Variants in COL8A1 observed in about 807,000 individuals in gnomAD.
COL8A1 encodes the protein collagen alpha-1(VIII) chain.
A neutral mutation model predicts 42.7 loss-of-function variants in COL8A1; 21 were observed. The ratio of observed to expected loss-of-function variants is 0.49; its 90% CI spans 0.35 to 0.71. The LOEUF (loss-of-function observed/expected upper bound fraction) is 0.71. Among genes scored for constraint, COL8A1 ranks in the 30% least tolerant of loss-of-function variants. The pLI is 0.01. For synonymous variants in COL8A1, 367 were observed against 369.1 expected (o/e 0.99, Z 0.06); for missense variants, 788 against 962.4 (o/e 0.82, Z 2.40).
At chr3:99,762,405 A>AC (rs1251537563) in intron 2 of COL8A1, among the ~76,000 whole-genome samples, 1 of 152,230 alleles carries the variant, frequency 6.6e-6, no homozygotes, top group East Asian at 1.9e-4. Flanking sequence ...CTGCTAAAAA[A>AC]AATTATGTTC....
At chr3:99,774,410 A>G (rs892594352) in intron 2 of COL8A1, among the ~76,000 whole-genome samples, 2 of 152,074 alleles carry the variant, frequency 1.3e-5, no homozygotes, top group East Asian at 3.9e-4. Flanking sequence ...AAAGCTATTT[A>G]TGTTTGCTAC....
intron 1 of COL8A1, among the ~76,000 whole-genome samples, chr3:99,697,726 C>T (rs1205171840): frequency 6.6e-6 from 1 of 152,208 alleles, no homozygotes; most frequent in Non-Finnish European, 1.5e-5. Flanking sequence ...TCTTGGAAGA[C>T]CAATTTCTTT....
At chr3:99,773,991 C>A (rs1055296401) in intron 2 of COL8A1, among the ~76,000 whole-genome samples, 13 of 149,026 alleles carry the variant, frequency 8.7e-5, no homozygotes, top group Non-Finnish European at 7.4e-5. Flanking sequence ...ATTACAGGCG[C>A]CCACCACCAC....
chr3:99,725,034 G>T (rs1017496270), intron 1 of COL8A1, among the ~76,000 whole-genome samples: 11 of 151,994 alleles, frequency 7.2e-5, no homozygotes, highest in Admixed American at 7.2e-4. Flanking sequence ...TATAGTTAAA[G>T]TATACTTGAC....
At chr3:99,697,009 C>T (rs1201908396) in intron 1 of COL8A1, among the ~76,000 whole-genome samples, 8 of 90,862 alleles carry the variant, frequency 8.8e-5, no homozygotes, top group African/African-American at 2.5e-4. Flanking sequence ...TTTTTTGAGA[C>T]GGAGTCTCGC....
intron 1 of COL8A1, among the ~76,000 whole-genome samples, chr3:99,650,749 A>AT (rs1047485594): frequency 2.6e-5 from 4 of 152,164 alleles, no homozygotes; most frequent in African/African-American, 9.7e-5. Context: ...GAGGTACTGG[A>AT]TTTTTTACAT....
intron 1 of COL8A1, among the ~76,000 whole-genome samples, chr3:99,697,914 C>A (rs1183751094): frequency 6.6e-6 from 1 of 152,014 alleles, no homozygotes; most frequent in Non-Finnish European, 1.5e-5. Flanking sequence ...TGTGCTGCAC[C>A]CATCAACTCG....
At chr3:99,657,205 T>A (rs964701519) in intron 1 of COL8A1, among the ~76,000 whole-genome samples, 4 of 152,308 alleles carry the variant, frequency 2.6e-5, no homozygotes, top group Middle Eastern at 3.4e-3. Flanking sequence ...TACAGTAAAA[T>A]TGATGATCGC....
chr3:99,735,773 T>A (rs1416935816), intron 1 of COL8A1, among the ~76,000 whole-genome samples: 2 of 152,028 alleles, frequency 1.3e-5, no homozygotes, highest in Admixed American at 6.5e-5. Context: ...TGTGAATCCA[T>A]CTGGTCCTGG....
At chr3:99,746,872 T>C (rs1468330180) in intron 2 of COL8A1, among the ~76,000 whole-genome samples, 1 of 152,344 alleles carries the variant, frequency 6.6e-6, no homozygotes, top group East Asian at 1.9e-4. Flanking sequence ...TAAATGAATT[T>C]TGATTGAAAA....
At chr3:99,714,091 A>G (rs1187304668) in intron 1 of COL8A1, among the ~76,000 whole-genome samples, 1 of 152,082 alleles carries the variant, frequency 6.6e-6, no homozygotes, top group African/African-American at 2.4e-5. Flanking sequence ...TCAGACTTCC[A>G]TGTTTTAAAT....
At chr3:99,647,438 T>C (rs1043847161) in intron 1 of COL8A1, among the ~76,000 whole-genome samples, 3 of 152,138 alleles carry the variant, frequency 2.0e-5, no homozygotes, top group Non-Finnish European at 4.4e-5. Flanking sequence ...CAATTCTTTA[T>C]TACAATAATA....
chr3:99,719,569 T>C (rs1328601737), intron 1 of COL8A1, among the ~76,000 whole-genome samples: 2 of 152,094 alleles, frequency 1.3e-5, no homozygotes, highest in African/African-American at 4.8e-5. Flanking sequence ...GGAGCAGATA[T>C]GAGAAACACT....
intron 2 of COL8A1, among the ~76,000 whole-genome samples, chr3:99,764,692 C>CT (rs1553681461): frequency 9.3e-5 from 4 of 42,982 alleles, no homozygotes; most frequent in African/African-American, 3.1e-4. Flanking sequence ...TCTTTTTTTT[C>CT]TTTTTTTTCT....
At chr3:99,789,039 T>C (rs542042744) in intron 2 of COL8A1, among the ~76,000 whole-genome samples, 1 of 152,170 alleles carries the variant, frequency 6.6e-6, no homozygotes, top group Non-Finnish European at 1.5e-5. Flanking sequence ...GCCTAGCAAC[T>C]GTTTCTTCAT....
At chr3:99,749,179 T>TA (rs1941091098) in intron 2 of COL8A1, among the ~76,000 whole-genome samples, 1 of 147,358 alleles carries the variant, frequency 6.8e-6, no homozygotes, top group Non-Finnish European at 1.5e-5. Flanking sequence ...ATATGTATAG[T>TA]AAAAAATAGC....
intron 2 of COL8A1, among the ~76,000 whole-genome samples, chr3:99,776,495 G>T (rs58954865): frequency 1.3e-5 from 2 of 152,086 alleles, no homozygotes; most frequent in African/African-American, 4.8e-5. Context: ...CAGGGGAATG[G>T]GTCATCAACA....
At chr3:99,739,490 A>C (rs977504372) in intron 1 of COL8A1, among the ~76,000 whole-genome samples, 2 of 151,994 alleles carry the variant, frequency 1.3e-5, no homozygotes, top group African/African-American at 4.8e-5. Flanking sequence ...TTCTGCCTGG[A>C]TATCCAGGCA....
intron 2 of COL8A1, among the ~76,000 whole-genome samples, chr3:99,789,725 C>T (rs142356648): frequency 6.6e-4 from 101 of 152,278 alleles, no homozygotes; most frequent in Non-Finnish European, 1.2e-3. Context: ...GGCTTAGAAG[C>T]AGCGTATTCT....
Sources: allele counts gnomAD v4.1 joint callset (sites outside exome capture counted in the v4.1 genomes callset), GRCh38; gene constraint gnomAD v4.1.1; transcripts MANE v1.5; gene names NCBI Gene and HGNC (gene_info 2026-07-23, HGNC 2026-07-21).